Variants in PCDHGB2 observed in about 807,000 individuals in gnomAD.
PCDHGB2 encodes protocadherin gamma subfamily B, 2, also known as protocadherin gamma-B2.
In PCDHGB2, 55 loss-of-function variants were observed where a neutral mutation model predicts 59.3. That is an observed-to-expected ratio of 0.93 (90% CI 0.75 to 1.16). The LOEUF (loss-of-function observed/expected upper bound fraction) is 1.16, where lower values mean the gene tolerates loss of function less well. PCDHGB2 is among the 50% of genes most tolerant of loss of function. The probability of loss-of-function intolerance (pLI) is 0.00; values close to 1 mark genes in which losing one functional copy is unlikely to be tolerated. For synonymous variants in PCDHGB2, 516 were observed against 512.0 expected (o/e 1.01, Z -0.11); for missense variants, 1,228 against 1,198.5 (o/e 1.02, Z -0.36).
chr5:141,423,246 G>A, intron 1 of PCDHGB2: 15 of 1,613,922 alleles, frequency 9.3e-6, no homozygotes, highest in Non-Finnish European at 1.3e-5. Context: ...CCGAAGTCCT[G>A]GCGGACCTCG....
intron 1 of PCDHGB2, among the ~76,000 whole-genome samples, chr5:141,464,436 TTTG>T (rs1043492514): frequency 1.1e-4 from 17 of 151,396 alleles, no homozygotes; most frequent in Non-Finnish European, 1.9e-4. Flanking sequence ...GATATATATG[TTTG>T]TTGTTGTTGT....
In PCDHGB2 at chr5:141,419,316, G is replaced by A. The variant is rs775328616; in HGVS notation, c.2421+56760G>A. 1.1e-5 allele frequency: 18 copies of A among 1,613,994 alleles called. No individual in the cohort carries two copies. In the South Asian group the frequency reaches 1.8e-4, roughly 16 times the overall value. On this transcript the variant is annotated intron_variant, in intron 1 of 3. Coordinates refer to ENST00000522605, the MANE Select transcript of PCDHGB2 (RefSeq NM_018923.3). ...GACCCAGACTTCGGGCTCAACGGCC[G>A]TGTCTCCTACTCTCTCATTGCCAGC...
At chr5:141,498,551 C>T (rs749191535) in intron 2 of PCDHGB2, among the ~76,000 whole-genome samples, 2 of 151,950 alleles carry the variant, frequency 1.3e-5, no homozygotes, top group Non-Finnish European at 2.9e-5. Context: ...GTCAGACACA[C>T]CAGCTTCAAA....
In PCDHGB2 at chr5:141,394,565, T is replaced by C. The variant is rs199836246; in HGVS notation, c.2421+32009T>C. ...AGCTGGCGCCCCGCTCCGCAGAGCG[T>C]GGCTACCTGGTGACCAAGGTGGTGG... On this transcript the variant is annotated intron_variant, in intron 1 of 3. Transcript: ENST00000522605. The C allele has an allele frequency of 4.7e-3, 7,555 of 1,612,722 alleles. 48 individuals carry two copies. The highest frequency in any genetic ancestry group is 9.5e-3 in the Admixed American group (567 of 59,986).
At chr5:141,500,699 A>G (rs780869966) in intron 2 of PCDHGB2, among the ~76,000 whole-genome samples, 1 of 152,156 alleles carries the variant, frequency 6.6e-6, no homozygotes, top group Non-Finnish European at 1.5e-5. Context: ...TCTTCTTTGC[A>G]GTGTATCATG....
Position 141,408,446 on chromosome 5 carries a change from G to A in PCDHGB2, c.2421+45890G>A, listed in dbSNP as rs371079756. 1.7e-5 allele frequency: 28 copies of A among 1,613,946 alleles called. No individual in the cohort carries two copies. Among genetic ancestry groups the A allele is most frequent in the Non-Finnish European group, 1.1e-5 (13 of 1,179,916 alleles). On this transcript the variant is annotated intron_variant, in intron 1 of 3. Transcript: ENST00000522605. ...GCACTTCAGCGTAGACGCGGAGAGC[G>A]GGGACTTACTTGTGAAGAACCGAAT...
chr5:141,395,237 G>C (rs760516487), intron 1 of PCDHGB2: 2 of 1,590,946 alleles, frequency 1.3e-6, no homozygotes, highest in Non-Finnish European at 8.6e-7. Flanking sequence ...ATCATGGTCA[G>C]GTGAGTTTAG....
At chr5:141,373,898 A>AT (rs1769937255) in intron 1 of PCDHGB2, 1 of 541,162 alleles carries the variant, frequency 1.8e-6, no homozygotes, top group Non-Finnish European at 3.1e-6. Flanking sequence ...CTCAAGTTAC[A>AT]TCCTCCAACA....
chr5:141,399,112 G>A, intron 1 of PCDHGB2: 1 of 1,613,794 alleles, frequency 6.2e-7, no homozygotes, highest in African/African-American at 1.3e-5. Context: ...ACAATGTACA[G>A]TTGAAATTAA....
intron 1 of PCDHGB2, chr5:141,417,532 TA>T (rs1457524771): frequency 6.7e-5 from 19 of 284,780 alleles, no homozygotes; most frequent in South Asian, 1.5e-4. Context: ...ACTCGTAGTT[TA>T]AAAAAAATTC....
intron 1 of PCDHGB2, chr5:141,364,610 G>A (rs772530649): frequency 1.2e-6 from 2 of 1,614,152 alleles, no homozygotes; most frequent in South Asian, 1.1e-5. Context: ...AGACCGGGAG[G>A]AGCTCTGCGC....
At chr5:141,488,189 T>G (rs574621860) in intron 1 of PCDHGB2, among the ~76,000 whole-genome samples, 2 of 152,316 alleles carry the variant, frequency 1.3e-5, no homozygotes, top group Non-Finnish European at 2.9e-5. Context: ...TCTTTTGGTC[T>G]GGGTCTTAGG....
chr5:141,418,429 A>T (rs765952024), intron 1 of PCDHGB2: 2 of 1,613,854 alleles, frequency 1.2e-6, no homozygotes, highest in African/African-American at 2.7e-5. Context: ...ATGGTGGCAA[A>T]TATCCAGAAT....
At chr5:141,387,510 C>A (rs972550298) in intron 1 of PCDHGB2, among the ~76,000 whole-genome samples, 1 of 152,206 alleles carries the variant, frequency 6.6e-6, no homozygotes, top group Non-Finnish European at 1.5e-5. Context: ...TTTTAGACGT[C>A]ATTAAATATA....
At chr5:141,396,954 C>G (rs2093459266) in intron 1 of PCDHGB2, among the ~76,000 whole-genome samples, 1 of 152,172 alleles carries the variant, frequency 6.6e-6, no homozygotes. Flanking sequence ...GAAAGAAAAT[C>G]CTTACTCTCC....
intron 1 of PCDHGB2, chr5:141,471,546 G>T (rs1271594387): frequency 6.6e-6 from 1 of 152,202 alleles, no homozygotes; most frequent in African/African-American, 2.4e-5. Flanking sequence ...AGCATTTAAG[G>T]TTGCTTTGAC....
At chr5:141,408,192 C>A (rs2095055859) in intron 1 of PCDHGB2, 1 of 1,545,004 alleles carries the variant, frequency 6.5e-7, no homozygotes, top group South Asian at 1.2e-5. Flanking sequence ...CAGCGAGAAC[C>A]CGAGCGAACG....
Position 141,373,903 on chromosome 5 carries a change from CCAA to C in PCDHGB2, c.2421+11354_2421+11356del, listed in dbSNP as rs1423150628. 3 of 586,252 alleles carry C rather than the reference CCAA, an allele frequency of 5.1e-6. No individual in the cohort carries two copies. In the African/African-American group the frequency reaches 5.7e-5, roughly 11 times the overall value. 36.3% of individuals were successfully genotyped at this position (586,252 alleles called of 1,614,324 possible). The stretch of plus-strand genomic sequence containing the variant: ...TCAACGGAAACTCAAGTTACATCCT[CCAA>C]CAACAAAGCAAATTAGACGGGAAAG... On this transcript the variant is annotated intron_variant, in intron 1 of 3. Coordinates refer to ENST00000522605, the MANE Select transcript of PCDHGB2 (RefSeq NM_018923.3).
At chr5:141,474,133 C>T (rs35162249) in intron 1 of PCDHGB2, among the ~76,000 whole-genome samples, 9,247 of 152,260 alleles carry the variant, frequency 0.061, 334 homozygotes, top group South Asian at 0.12. Flanking sequence ...CAGAAAACTA[C>T]AGGCCTTATT....
Sources: gnomAD v4.1 joint callset for allele counts (sites outside exome capture counted in the v4.1 genomes callset) on GRCh38, gnomAD v4.1.1 for gene constraint, MANE v1.5 for transcripts, NCBI Gene and HGNC (gene_info 2026-07-23, HGNC 2026-07-21) for gene names.